KHDRBS3: variants seen among roughly 807,000 people sequenced by gnomAD.
The protein encoded by KHDRBS3 is KH RNA binding domain containing, signal transduction associated 3.
A neutral mutation model predicts 45.6 loss-of-function variants in KHDRBS3; 23 were observed. That is an observed-to-expected ratio of 0.50 (90% CI 0.36 to 0.72). The LOEUF (loss-of-function observed/expected upper bound fraction) is 0.72, where lower values mean the gene tolerates loss of function less well. Among genes scored for constraint, KHDRBS3 ranks in the 30% least tolerant of loss-of-function variants. The probability of loss-of-function intolerance (pLI) is 0.00; values close to 1 mark genes in which losing one functional copy is unlikely to be tolerated. For synonymous variants in KHDRBS3, 162 were observed against 156.5 expected, an observed-to-expected ratio of 1.04 and a Z score of -0.26; for missense variants, 352 against 424.8, an observed-to-expected ratio of 0.83 and a Z score of 1.51.
At chr8:135,548,726 A>C in intron 3 of KHDRBS3, 28 bp from the exon 4 acceptor site, 1 of 1,471,990 alleles carries the variant, frequency 6.8e-7, no homozygotes, top group South Asian at 1.4e-5. Context: ...CACGTTTTTA[A>C]ATGTGATTTC....
chr8:135,481,234 A>ATATG lies in KHDRBS3; in HGVS notation c.88+23283_88+23284insGTAT, dbSNP rs1204635428. 1.2e-3 allele frequency among the ~76,000 whole-genome samples: 73 copies of ATATG among 62,494 alleles called. No homozygotes were observed. The East Asian group carries it at 0.015, about 13-fold the overall frequency. 41.0% of individuals were successfully genotyped at this position (62,494 alleles called of 152,430 possible). On this transcript the variant is annotated intron_variant, in intron 1 of 8. Transcript: ENST00000355849. ...TTCATGAAAGCCACGATATATATAT[A>ATATG]TATATATATATATATATTTAATGTA... is the stretch of plus-strand genomic sequence containing the variant.
chr8:135,537,045 T>G (rs1825815339), intron 2 of KHDRBS3, among the ~76,000 whole-genome samples: 1 of 148,778 alleles, frequency 6.7e-6, no homozygotes, highest in Non-Finnish European at 1.5e-5. Flanking sequence ...AATTAGATCA[T>G]TAACATGTAT....
intron 5 of KHDRBS3, among the ~76,000 whole-genome samples, chr8:135,562,507 A>G (rs1827217208): frequency 6.6e-6 from 1 of 151,954 alleles, no homozygotes; most frequent in Admixed American, 6.6e-5. Context: ...AGGTATCCTC[A>G]TAGCTAAGCG....
intron 6 of KHDRBS3, among the ~76,000 whole-genome samples, chr8:135,585,669 T>C (rs1043294669): frequency 2.6e-5 from 4 of 152,212 alleles, no homozygotes; most frequent in Admixed American, 2.6e-4. Flanking sequence ...CACATAGCAA[T>C]TTTTATGTAA....
At chr8:135,553,969 A>G (rs1381387240) in intron 4 of KHDRBS3, among the ~76,000 whole-genome samples, 1 of 152,156 alleles carries the variant, frequency 6.6e-6, no homozygotes, top group Non-Finnish European at 1.5e-5. Context: ...ATTTAAAAGC[A>G]TTTTTCAAAG....
intron 1 of KHDRBS3, among the ~76,000 whole-genome samples, chr8:135,462,284 T>C (rs557989970): frequency 4.6e-5 from 7 of 151,914 alleles, no homozygotes; most frequent in African/African-American, 1.2e-4. Flanking sequence ...GTGTTAGATA[T>C]GCCATTTCTG....
chr8:135,501,205 CAG>C (rs1168559157), intron 1 of KHDRBS3, among the ~76,000 whole-genome samples: 1 of 152,140 alleles, frequency 6.6e-6, no homozygotes, highest in Non-Finnish European at 1.5e-5. Context: ...ATAAAACAAA[CAG>C]AAGCAAAATA....
chr8:135,476,443 C>T (rs1319451181), intron 1 of KHDRBS3, among the ~76,000 whole-genome samples: 1 of 152,102 alleles, frequency 6.6e-6, no homozygotes, highest in African/African-American at 2.4e-5. Flanking sequence ...CGCCCGACCC[C>T]CATTTTTATT....
At chr8:135,618,637 C>T (rs552242014) in intron 7 of KHDRBS3, among the ~76,000 whole-genome samples, 2 of 152,008 alleles carry the variant, frequency 1.3e-5, no homozygotes, top group East Asian at 3.9e-4. Context: ...AGTATGTGTA[C>T]CCAGTGTTTT....
chr8:135,474,083 A>C (rs1362234640), intron 1 of KHDRBS3, among the ~76,000 whole-genome samples: 1 of 152,212 alleles, frequency 6.6e-6, no homozygotes, highest in African/African-American at 2.4e-5. Flanking sequence ...GAGAGTTCAC[A>C]ATCTCATTGT....
chr8:135,560,554 A>T (rs2130845282), intron 5 of KHDRBS3, among the ~76,000 whole-genome samples: 1 of 152,300 alleles, frequency 6.6e-6, no homozygotes, highest in South Asian at 2.1e-4. Context: ...AATATAATTT[A>T]TAATTCAGTT....
chr8:135,619,297 C>T (rs994535209), intron 7 of KHDRBS3, among the ~76,000 whole-genome samples: 2 of 152,002 alleles, frequency 1.3e-5, no homozygotes, highest in African/African-American at 4.8e-5. Flanking sequence ...CAATTGCAAC[C>T]TTTTTGAAAT....
intron 1 of KHDRBS3, among the ~76,000 whole-genome samples, chr8:135,479,870 C>A (rs546254235): frequency 6.6e-6 from 1 of 152,168 alleles, no homozygotes; most frequent in Non-Finnish European, 1.5e-5. Flanking sequence ...GAAAACTACA[C>A]ATCAGTATCT....
At chr8:135,510,665 C>T (rs1249785010) in intron 1 of KHDRBS3, among the ~76,000 whole-genome samples, 1 of 152,164 alleles carries the variant, frequency 6.6e-6, no homozygotes. Flanking sequence ...AATCTCCTGA[C>T]GTAATGACCC....
intron 2 of KHDRBS3, among the ~76,000 whole-genome samples, chr8:135,533,859 G>A (rs1379889524): frequency 1.3e-5 from 2 of 152,144 alleles, no homozygotes; most frequent in East Asian, 3.8e-4. Context: ...CTCAACATTA[G>A]CCTATAGTTG....
intron 1 of KHDRBS3, among the ~76,000 whole-genome samples, chr8:135,461,878 T>C (rs1186368214): frequency 6.6e-6 from 1 of 152,238 alleles, no homozygotes; most frequent in Non-Finnish European, 1.5e-5. Context: ...ATAAAAGTTT[T>C]TTGTTTGTAT....
At chr8:135,576,436 T>C (rs369586887) in intron 5 of KHDRBS3, among the ~76,000 whole-genome samples, 38 of 152,320 alleles carry the variant, frequency 2.5e-4, no homozygotes, top group Middle Eastern at 3.4e-3. Flanking sequence ...TGTGGACTCA[T>C]GGATATTAAT....
chr8:135,567,773 T>G (rs2130872842), intron 5 of KHDRBS3, among the ~76,000 whole-genome samples: 1 of 152,354 alleles, frequency 6.6e-6, no homozygotes, highest in African/African-American at 2.4e-5. Flanking sequence ...GCCTTCCCAT[T>G]ACCCAAAAGA....
chr8:135,513,371 C>G (rs997478250), intron 1 of KHDRBS3, among the ~76,000 whole-genome samples: 3 of 152,124 alleles, frequency 2.0e-5, no homozygotes, highest in Non-Finnish European at 4.4e-5. Context: ...TATTGTTGTT[C>G]TTTGCAAATA....
Sources: allele counts gnomAD v4.1 joint callset (sites outside exome capture counted in the v4.1 genomes callset), GRCh38; gene constraint gnomAD v4.1.1; transcripts MANE v1.5; gene names NCBI Gene and HGNC (gene_info 2026-07-23, HGNC 2026-07-21).